The following HELZ variants were observed in gnomAD, a reference collection of about 807,000 sequenced individuals.
HELZ encodes the protein helicase with zinc finger.
A neutral mutation model predicts 218.2 loss-of-function variants in HELZ; 23 were observed. That is an observed-to-expected ratio of 0.11 (90% CI 0.08 to 0.15). HELZ has a LOEUF of 0.15. HELZ is among the 10% of genes least tolerant of loss of function. HELZ has a pLI of 1.00. For missense variants in HELZ, 1,813 were observed against 2,353.7 expected, an observed-to-expected ratio of 0.77 and a Z score of 4.75; for synonymous variants, 814 against 829.4, an observed-to-expected ratio of 0.98 and a Z score of 0.32.
chr17:67,089,644 A>ATT (rs1211790014), intron 31 of HELZ, among the ~76,000 whole-genome samples: 51 of 73,414 alleles, frequency 6.9e-4, no homozygotes, highest in African/African-American at 2.2e-3. Context: ...TCTATTGGAG[A>ATT]TTTTATATAT....
At chr17:67,191,256 T>C (rs1277746406) in intron 9 of HELZ, among the ~76,000 whole-genome samples, 2 of 152,222 alleles carry the variant, frequency 1.3e-5, no homozygotes, top group Non-Finnish European at 2.9e-5. Flanking sequence ...ATTAACTTGC[T>C]TGAAGCTTTA....
At chr17:67,236,263 G>A (rs1305472319) in intron 3 of HELZ, among the ~76,000 whole-genome samples, 1 of 152,080 alleles carries the variant, frequency 6.6e-6, no homozygotes, top group Non-Finnish European at 1.5e-5. Flanking sequence ...AAAAACTTCT[G>A]AAGAAAAATG....
chr17:67,175,975 T>A (rs1250831584), intron 13 of HELZ, among the ~76,000 whole-genome samples: 1 of 152,202 alleles, frequency 6.6e-6, no homozygotes, highest in Non-Finnish European at 1.5e-5. Context: ...CTCTACACTA[T>A]CTTACCACTG....
In HELZ at chr17:67,189,881, G is replaced by A. The variant is rs556815546; in HGVS notation, c.757-185C>T. Reference sequence around the variant, plus strand: ...AATATAGTAAAGCTAAAATAAGAGAGAAAAGAAAATTAACCACCACCACAA... The same window carrying A: ...AATATAGTAAAGCTAAAATAAGAGAAAAAAGAAAATTAACCACCACCACAA... On this transcript the variant is annotated intron_variant, in intron 10 of 32. Coordinates refer to ENST00000358691, the MANE Select transcript of HELZ (RefSeq NM_014877.4). Among the ~76,000 whole-genome samples the A allele has an allele frequency of 1.1e-4, 17 of 152,188 alleles. 1 individual carries two copies. The highest frequency in any genetic ancestry group is 4.1e-4 in the African/African-American group (17 of 41,546).
intron 5 of HELZ, among the ~76,000 whole-genome samples, chr17:67,214,232 C>A (rs1411563420): frequency 7.3e-6 from 1 of 136,248 alleles, no homozygotes; most frequent in African/African-American, 2.7e-5. Flanking sequence ...GTCACAGAAT[C>A]TTTAATGAAT....
chr17:67,200,089 T>TC (rs1567885616), intron 7 of HELZ, among the ~76,000 whole-genome samples: 1 of 152,192 alleles, frequency 6.6e-6, no homozygotes, highest in African/African-American at 2.4e-5. Context: ...CAGTGCTGTA[T>TC]CCCCAGCAAC....
chr17:67,088,292 C>G (rs528814986), intron 31 of HELZ, among the ~76,000 whole-genome samples: 99 of 152,216 alleles, frequency 6.5e-4, no homozygotes, highest in African/African-American at 2.3e-3. Context: ...TCAGTTATGA[C>G]TCTCAGAAAT....
chr17:67,185,865 A>G (rs1007950895), intron 12 of HELZ, among the ~76,000 whole-genome samples: 1 of 152,248 alleles, frequency 6.6e-6, no homozygotes, highest in African/African-American at 2.4e-5. Flanking sequence ...GTATTATGAA[A>G]AAAGAGGAGG....
At chr17:67,168,764 GGCAGCAC>G (rs1221944106) in intron 13 of HELZ, among the ~76,000 whole-genome samples, 1 of 152,122 alleles carries the variant, frequency 6.6e-6, no homozygotes. Flanking sequence ...TATGTGTAAA[GGCAGCAC>G]AGAGAATCAA....
At chr17:67,113,743 G>A (rs1358364533) in intron 28 of HELZ, among the ~76,000 whole-genome samples, 1 of 152,222 alleles carries the variant, frequency 6.6e-6, no homozygotes, top group Non-Finnish European at 1.5e-5. Context: ...CTTGAGAAGA[G>A]TCACTGAGAC....
chr17:67,148,827 T>A (rs925131740), intron 19 of HELZ, 113 bp from the exon 20 acceptor site: 2 of 909,400 alleles, frequency 2.2e-6, no homozygotes, highest in Non-Finnish European at 3.3e-6. Context: ...AACTTCAACA[T>A]GCTAAATGCT....
intron 6 of HELZ, among the ~76,000 whole-genome samples, chr17:67,202,878 C>T (rs1201142752): frequency 6.6e-6 from 1 of 152,168 alleles, no homozygotes; most frequent in Non-Finnish European, 1.5e-5. Flanking sequence ...AATCCCAGCA[C>T]TTTGGGAGGC....
intron 30 of HELZ, among the ~76,000 whole-genome samples, chr17:67,107,899 A>G (rs2037158047): frequency 6.6e-6 from 1 of 152,176 alleles, no homozygotes; most frequent in South Asian, 2.1e-4. Flanking sequence ...TTCTGTTCCC[A>G]TTGTATTAAA....
At chr17:67,081,810 AG>A (rs1444859686) in intron 32 of HELZ, among the ~76,000 whole-genome samples, 4 of 152,140 alleles carry the variant, frequency 2.6e-5, no homozygotes, top group Non-Finnish European at 5.9e-5. Flanking sequence ...GGGGCGGGGC[AG>A]GGGGGTGCAG....
chr17:67,156,568 T>C (rs1195926289), intron 17 of HELZ, among the ~76,000 whole-genome samples: 1 of 152,056 alleles, frequency 6.6e-6, no homozygotes, highest in Non-Finnish European at 1.5e-5. Context: ...GCCCAGCGAG[T>C]TACCTGACTT....
chr17:67,215,357 T>C (rs1488489501), intron 5 of HELZ, among the ~76,000 whole-genome samples: 1 of 151,638 alleles, frequency 6.6e-6, no homozygotes, highest in Non-Finnish European at 1.5e-5. Flanking sequence ...AACTTTTTTT[T>C]TTTTTTTTTG....
At chr17:67,146,962 T>C (rs1366946689) in intron 20 of HELZ, among the ~76,000 whole-genome samples, 1 of 152,144 alleles carries the variant, frequency 6.6e-6, no homozygotes, top group Non-Finnish European at 1.5e-5. Flanking sequence ...ATCCACTGAG[T>C]TGTTGAGATA....
At position 67,188,201 on chromosome 17, in the gene HELZ, G is replaced by T; in HGVS notation, c.1162+118C>A. 1.0e-6 allele frequency: 1 copy of T among 963,914 alleles called. No individual in the cohort carries two copies. The highest frequency in any genetic ancestry group is 1.6e-6 in the Non-Finnish European group (1 of 644,188). The allele number at this position is 963,914 out of a possible 1,614,324, so 59.7% of individuals were successfully genotyped here. A position where few individuals can be genotyped will look rare whatever the true frequency, so the allele number is the denominator to read the frequency against. ...ACAGTAAATGAGTCAATTAAGTTGG[G>T]ATTTTTTTCTTTATTACTATTCTCT... is the stretch of plus-strand genomic sequence containing the variant. On this transcript the variant is annotated intron_variant, in intron 12 of 32. Coordinates refer to ENST00000358691, the MANE Select transcript of HELZ (RefSeq NM_014877.4). This position sits in a 1 kb window ranked among gnomAD's most constrained non-coding sequence, Gnocchi z 4.1.
intron 18 of HELZ, 149 bp from the exon 19 acceptor site, chr17:67,150,134 T>A: frequency 2.7e-6 from 1 of 367,120 alleles, no homozygotes; most frequent in Non-Finnish European, 4.8e-6. Context: ...TTCTTTCTTT[T>A]TTTTTTTTTT....
Sources: allele counts gnomAD v4.1 joint callset (sites outside exome capture counted in the v4.1 genomes callset), GRCh38; gene constraint gnomAD v4.1.1; non-coding constraint Gnocchi (gnomAD v3.1); transcripts MANE v1.5; gene names NCBI Gene and HGNC (gene_info 2026-07-23, HGNC 2026-07-21).